Variants in HSPG2 observed in about 807,000 individuals in gnomAD.
The protein encoded by HSPG2 is basement membrane-specific heparan sulfate proteoglycan core protein.
A neutral mutation model predicts 526.6 loss-of-function variants in HSPG2; 278 were observed. The observed-to-expected ratio is 0.53, with a 90% CI of 0.48 to 0.58. The LOEUF (loss-of-function observed/expected upper bound fraction) is 0.58, where lower values mean the gene tolerates loss of function less well. Ranked by LOEUF, HSPG2 falls within the 20% of genes least tolerant of loss-of-function variation. HSPG2 has a pLI of 0.00. For synonymous variants in HSPG2, 2,465 were observed against 2,555.4 expected (o/e 0.96, Z 1.07); for missense variants, 5,354 against 6,099.5 (o/e 0.88, Z 4.07).
Position 21,838,996 on chromosome 1 carries a change from G to A in HSPG2, c.9979C>T (p.Pro3327Ser). The A allele has an allele frequency of 6.2e-7, 1 of 1,610,420 alleles. No homozygotes were observed. The highest frequency in any genetic ancestry group is 8.5e-7 in the Non-Finnish European group (1 of 1,177,212). ...QLQCLAHGTPPLTFQWSRVGS... is the reference protein window; with the variant it reads ...QLQCLAHGTPSLTFQWSRVGS... ...ACGCGGCTCCACTGGAAGGTGAGTG[G>A]GGGTGTCCCGTGAGCCAGGCACTGG... Residue 3327 changes from proline to serine, a missense_variant, in exon 74 of 97, where the codon CCA becomes TCA. By Grantham distance (74) the Pro-to-Ser change is moderately conservative. Transcript: ENST00000374695.
In HSPG2 at chr1:21,848,834, G is replaced by A. The variant is rs1339074304; in HGVS notation, c.7586-40C>T. ...TGTAAGGCAGGGTGTGGGAGCTGCT[G>A]AGGGTGCAGTCGGGGTCCCCCAGCC... On this transcript the variant is annotated intron_variant, in intron 58 of 96. Transcript: ENST00000374695. The surrounding 1 kb of genome is among the most constrained non-coding windows in gnomAD (Gnocchi z 4.9). 4 of 1,613,272 alleles carry A rather than the reference G, an allele frequency of 2.5e-6. No individual in the cohort carries two copies. The highest frequency in any genetic ancestry group is 3.4e-6 in the Non-Finnish European group (4 of 1,179,970).
chr1:21,925,114 C>T (rs7512059), intron 1 of HSPG2, among the ~76,000 whole-genome samples: 3,475 of 152,354 alleles, frequency 0.023, 53 homozygotes, highest in African/African-American at 0.045. Flanking sequence ...CTGCGCCTGA[C>T]TATTCCCTGC....
rs191993433 is a variant in HSPG2 at position 21,894,238 on chromosome 1, G to C, written c.244+1684C>G. 1.4e-3 allele frequency among the ~76,000 whole-genome samples: 218 copies of C among 152,168 alleles called. 2 individuals are homozygous for C. Among genetic ancestry groups the C allele is most frequent in the African/African-American group, 4.9e-3 (202 of 41,526 alleles). On this transcript the variant is annotated intron_variant, in intron 3 of 96. Coordinates refer to ENST00000374695, the MANE Select transcript of HSPG2 (RefSeq NM_005529.7). Reference sequence around the variant, plus strand: ...GCCAGGGAGCCACAGCCATGCCCAGGGGGAGGAGGGGAAGAGCCATCTCAG... The same window carrying C: ...GCCAGGGAGCCACAGCCATGCCCAGCGGGAGGAGGGGAAGAGCCATCTCAG...
intron 39 of HSPG2, 48 bp downstream of exon 39, chr1:21,861,709 T>C (rs186399362): frequency 6.6e-7 from 1 of 1,522,398 alleles, no homozygotes; most frequent in Non-Finnish European, 9.1e-7. Context: ...CACTTGGGAG[T>C]CCACCATTTG....
Position 21,854,281 on chromosome 1 carries a change from G to T in HSPG2, c.6351C>A (p.Cys2117Ter). The change falls in exon 50 of 97, where the codon TGC becomes TGA. Residue 2117 changes from cysteine (C) to a stop codon, truncating the protein, a stop_gained. Transcript: ENST00000374695. LOFTEE classifies it high-confidence loss of function. ...TGGGGCCCGATCCATTCTCCACACG[G>T]CACACATATTCTCCAGAATCAGCTG... is the stretch of plus-strand genomic sequence containing the variant. The part of the protein sequence containing the change: ...VSPADSGEYV[C>*]RVENGSGPKE... The T allele has an allele frequency of 6.3e-7, 1 of 1,577,524 alleles. No individual in the cohort carries two copies. Among genetic ancestry groups the T allele is most frequent in the Admixed American group, 1.8e-5 (1 of 54,218 alleles).
At chr1:21,861,882 C>T in intron 38 of HSPG2, 39 bp from the exon 39 acceptor site, 1 of 1,613,256 alleles carries the variant, frequency 6.2e-7, no homozygotes, top group Non-Finnish European at 8.5e-7. Flanking sequence ...ATGGGAAGCC[C>T]AATCTCCATC....
Position 21,848,602 on chromosome 1 carries a change from G to T in HSPG2, c.7737+41C>A, listed in dbSNP as rs770317534. 4 of 1,610,724 alleles carry T rather than the reference G, an allele frequency of 2.5e-6. No homozygotes were observed. The African/African-American group carries it at 4.0e-5, about 16-fold the overall frequency. ...TCCCCCCTCTTCCCATTGGGGGCTG[G>T]TGTGCCCTGCTTTTGCCCTCCCCAC... On this transcript the variant is annotated intron_variant, in intron 59 of 96. Transcript: ENST00000374695. This position sits in a 1 kb window ranked among gnomAD's most constrained non-coding sequence, Gnocchi z 4.9.
chr1:21,847,176 C>T lies in HSPG2; in HGVS notation c.8164+178G>A, dbSNP rs963692190. On this transcript the variant is annotated intron_variant, in intron 62 of 96. Coordinates refer to ENST00000374695, the MANE Select transcript of HSPG2 (RefSeq NM_005529.7). This position sits in a 1 kb window ranked among gnomAD's most constrained non-coding sequence, Gnocchi z 4.1. Reference sequence around the variant, plus strand: ...GCCAAGTCAGTGGCTGCAAGCCACACGTGGCTATTGAGAATTTGAAATGTT... The same window carrying T: ...GCCAAGTCAGTGGCTGCAAGCCACATGTGGCTATTGAGAATTTGAAATGTT... Among the ~76,000 whole-genome samples the T allele has an allele frequency of 1.4e-4, 21 of 152,314 alleles. No individual in the cohort carries two copies. Among genetic ancestry groups the T allele is most frequent in the African/African-American group, 4.6e-4 (19 of 41,570 alleles).
Position 21,906,816 on chromosome 1 carries a change from G to A in HSPG2, c.64-10506C>T, listed in dbSNP as rs1359714419. On this transcript the variant is annotated intron_variant, in intron 1 of 96. Transcript: ENST00000374695. ...ATGTATGCAAGGCTCACTAGACTAG[G>A]GTTCCACAGAACACACTTTGGGAAC... is the stretch of plus-strand genomic sequence containing the variant. Among the ~76,000 whole-genome samples the A allele has an allele frequency of 2.0e-5, 3 of 152,080 alleles. No individual in the cohort carries two copies. In the East Asian group the frequency reaches 5.8e-4, roughly 29 times the overall value.
chr1:21,933,045 C>T (rs1028105353), intron 1 of HSPG2, among the ~76,000 whole-genome samples: 1 of 151,878 alleles, frequency 6.6e-6, no homozygotes. Flanking sequence ...CATGGCAAAA[C>T]CCTGTCTCTA....
chr1:21,872,089 G>A lies in HSPG2; in HGVS notation c.4221+97C>T, dbSNP rs1022019035. On this transcript the variant is annotated intron_variant, in intron 33 of 96. Coordinates refer to ENST00000374695, the MANE Select transcript of HSPG2 (RefSeq NM_005529.7). This position sits in a 1 kb window ranked among gnomAD's most constrained non-coding sequence, Gnocchi z 5.5. ...AAAGCCACGTGCCTAACCACGATATGGCCATGCAGGTGGCAGGTGCCTGCC... is the reference window on the plus strand; with the variant it reads ...AAAGCCACGTGCCTAACCACGATATAGCCATGCAGGTGGCAGGTGCCTGCC... The A allele has an allele frequency of 3.8e-6, 5 of 1,324,712 alleles. No individual in the cohort carries two copies. Among genetic ancestry groups the A allele is most frequent in the Middle Eastern group, 2.2e-4 (1 of 4,572 alleles). The allele number at this position is 1,324,712 out of a possible 1,614,324, so 82.1% of individuals were successfully genotyped here. A position where few individuals can be genotyped will look rare whatever the true frequency, so the allele number is the denominator to read the frequency against.
intron 76 of HSPG2, 185 bp downstream of exon 76, chr1:21,835,355 C>G: frequency 3.1e-6 from 2 of 637,436 alleles, no homozygotes; most frequent in South Asian, 1.8e-5. Context: ...CTTCTTCCCT[C>G]CCTTGAAATA....
At position 21,839,241 on chromosome 1, in the gene HSPG2, G is replaced by C; in HGVS notation, c.9889+130C>G. 7.0e-7 allele frequency: 1 copy of C among 1,434,098 alleles called. No homozygotes were observed. Among genetic ancestry groups the C allele is most frequent in the East Asian group, 2.3e-5 (1 of 43,738 alleles). The allele number at this position is 1,434,098 out of a possible 1,614,324, so 88.8% of individuals were successfully genotyped here. A position where few individuals can be genotyped will look rare whatever the true frequency, so the allele number is the denominator to read the frequency against. On this transcript the variant is annotated intron_variant, in intron 73 of 96. Transcript: ENST00000374695. The surrounding 1 kb of genome is among the most constrained non-coding windows in gnomAD (Gnocchi z 4.5). ...CAGGCCAGGGTGTGGGTGTCGGGCA[G>C]GGCAGGCTCCAGGACCCTGCAGCGC...
At chr1:21,914,838 G>A (rs958076926) in intron 1 of HSPG2, among the ~76,000 whole-genome samples, 1 of 152,174 alleles carries the variant, frequency 6.6e-6, no homozygotes, top group Non-Finnish European at 1.5e-5. Context: ...TGAATGCCAG[G>A]TGCAGACCCT....
rs2152762108 is a variant in HSPG2 at position 21,887,032 on chromosome 1, C to T, written c.1078+183G>A. ...CCTTACGGCTCTGGTTAGAGATAAA[C>T]CTTGGGGTGTGTCTCCAGGGCCTTC... On this transcript the variant is annotated intron_variant, in intron 9 of 96. Transcript: ENST00000374695. This position sits in a 1 kb window ranked among gnomAD's most constrained non-coding sequence, Gnocchi z 5.0. Among the ~76,000 whole-genome samples, 1 of 150,180 alleles carries T rather than the reference C, an allele frequency of 6.7e-6. No homozygotes were observed. The highest frequency in any genetic ancestry group is 3.5e-3 in the Middle Eastern group (1 of 282).
Position 21,880,805 on chromosome 1 carries a change from T to G in HSPG2, c.1849A>C (p.Asn617His). The change falls in exon 15 of 97, where the codon AAC becomes CAC. Residue 617 changes from asparagine (N) to histidine (H), a missense_variant. By Grantham distance (68) the Asn-to-His change is moderately conservative. Coordinates refer to ENST00000374695, the MANE Select transcript of HSPG2 (RefSeq NM_005529.7). ...VDSYGGSLRY[N>H]VRYELARGML... Reference sequence around the variant, plus strand: ...CCACGGGCCAACTCGTAGCGCACGTTGTAACGCAGGGAGCCGCCATAGGAG... The same window carrying G: ...CCACGGGCCAACTCGTAGCGCACGTGGTAACGCAGGGAGCCGCCATAGGAG... The G allele has an allele frequency of 6.3e-6, 10 of 1,595,832 alleles. No homozygotes were observed. The highest frequency in any genetic ancestry group is 7.7e-6 in the Non-Finnish European group (9 of 1,172,282).
Position 21,842,748 on chromosome 1 carries a change from C to G in HSPG2, c.8910+22G>C, listed in dbSNP as rs1199578179. 2.5e-6 allele frequency: 4 copies of G among 1,612,254 alleles called. No individual in the cohort carries two copies. The African/African-American group carries it at 5.3e-5, about 22-fold the overall frequency. On this transcript the variant is annotated intron_variant, in intron 67 of 96. Transcript: ENST00000374695. ...GTCTAACCTTGCCTGACCTGGAATCCTCCCCATCCTGGCCCCTGTACCTGG... is the reference window on the plus strand; with the variant it reads ...GTCTAACCTTGCCTGACCTGGAATCGTCCCCATCCTGGCCCCTGTACCTGG...
chr1:21,828,529 A>T lies in HSPG2; in HGVS notation c.12238-103T>A. 7.9e-7 allele frequency: 1 copy of T among 1,261,008 alleles called. No individual in the cohort carries two copies. Among genetic ancestry groups the T allele is most frequent in the Non-Finnish European group, 1.1e-6 (1 of 887,504 alleles). The allele number at this position is 1,261,008 out of a possible 1,614,324, so 78.1% of individuals were successfully genotyped here. On this transcript the variant is annotated intron_variant, in intron 88 of 96. Transcript: ENST00000374695. This position sits in a 1 kb window ranked among gnomAD's most constrained non-coding sequence, Gnocchi z 6.0. Reference sequence around the variant, plus strand: ...CAGCAGAGGGGAGCTGGGAGCCCACATTGGGCCCTGAGTGGTAGCATGGAT... The same window carrying T: ...CAGCAGAGGGGAGCTGGGAGCCCACTTTGGGCCCTGAGTGGTAGCATGGAT...
chr1:21,915,447 G>T (rs1031281284), intron 1 of HSPG2, among the ~76,000 whole-genome samples: 2 of 152,210 alleles, frequency 1.3e-5, no homozygotes, highest in Non-Finnish European at 2.9e-5. Context: ...CTGGATGAAG[G>T]CAAGTCATGG....
Sources: allele counts gnomAD v4.1 joint callset (sites outside exome capture counted in the v4.1 genomes callset), GRCh38; gene constraint gnomAD v4.1.1; non-coding constraint Gnocchi (gnomAD v3.1); transcripts MANE v1.5; gene names NCBI Gene and HGNC (gene_info 2026-07-23, HGNC 2026-07-21).